CHFR: variants seen among roughly 807,000 people sequenced by gnomAD.
CHFR encodes checkpoint with forkhead and ring finger domains, also known as E3 ubiquitin-protein ligase CHFR.
A neutral mutation model predicts 87.6 loss-of-function variants in CHFR; 57 were observed. The observed-to-expected ratio is 0.65, with a 90% CI of 0.53 to 0.81. The LOEUF is 0.81. Among genes scored for constraint, CHFR ranks in the 30% least tolerant of loss-of-function variants. CHFR has a pLI of 0.00. For synonymous variants in CHFR, 381 were observed against 359.2 expected (o/e 1.06, Z -0.69); for missense variants, 797 against 865.8 (o/e 0.92, Z 1.00).
chr12:132,882,551 C>T (rs1306428679), intron 2 of CHFR, among the ~76,000 whole-genome samples: 1 of 152,124 alleles, frequency 6.6e-6, no homozygotes, highest in Non-Finnish European at 1.5e-5. Flanking sequence ...ATTGGAAGTA[C>T]TGTATCCAAG....
At position 132,859,235 on chromosome 12, in the gene CHFR, A is replaced by C. The variant is rs1295994599; in HGVS notation, c.752-8T>G. 1 of 1,610,888 alleles carries C rather than the reference A, an allele frequency of 6.2e-7. No individual in the cohort carries two copies. The highest frequency in any genetic ancestry group is 8.5e-7 in the Non-Finnish European group (1 of 1,178,372). ...TCAGGTCAAGGTCCCCATCTACAGG[A>C]GAAAGGGATGTGTTCTGTCGTAACC... On this transcript the variant is annotated splice_polypyrimidine_tract_variant and splice_region_variant and intron_variant, in intron 7 of 17. Transcript: ENST00000450056.
intron 7 of CHFR, 144 bp from the exon 8 acceptor site, chr12:132,859,371 G>C (rs889943273): frequency 1.2e-6 from 1 of 831,012 alleles, no homozygotes; most frequent in Non-Finnish European, 1.9e-6. Context: ...TTTTTTTCGA[G>C]ACAGAGTCTC....
rs181881227 is a variant in CHFR at position 132,879,306 on chromosome 12, T to C, written c.134-1652A>G. ...CACCGCACCTGGCCTGCGATAGGCA[T>C]TTGTACACGTATAAGAAACTGCATC... On this transcript the variant is annotated intron_variant, in intron 2 of 17. Coordinates refer to ENST00000450056, the MANE Select transcript of CHFR (RefSeq NM_001161346.2). 2.6e-5 allele frequency among the ~76,000 whole-genome samples: 4 copies of C among 151,194 alleles called. No homozygotes were observed. In the East Asian group the frequency reaches 8.1e-4, roughly 30 times the overall value.
In CHFR at chr12:132,837,293, G is replaced by T; in HGVS notation, c.*4261C>A. The T allele has an allele frequency of 5.6e-6, 1 of 179,940 alleles. No homozygotes were observed. The highest frequency in any genetic ancestry group is 1.2e-5 in the Non-Finnish European group (1 of 84,190). 11.1% of individuals were successfully genotyped at this position (179,940 alleles called of 1,614,324 possible). On this transcript the variant is annotated 3_prime_UTR_variant, in exon 18 of 18. Coordinates refer to ENST00000450056, the MANE Select transcript of CHFR (RefSeq NM_001161346.2). ...ACTTATTTCTCATGATTATATGCTGGCTGCCTGGTGCAGCACTGTGCTGGT... is the reference window on the plus strand; with the variant it reads ...ACTTATTTCTCATGATTATATGCTGTCTGCCTGGTGCAGCACTGTGCTGGT...
intron 2 of CHFR, among the ~76,000 whole-genome samples, chr12:132,885,454 A>AAATAAATT (rs1566209890): frequency 7.1e-6 from 1 of 140,094 alleles, no homozygotes. Context: ...ATAAATAAAT[A>AAATAAATT]AATTTCTGTT....
In CHFR at chr12:132,853,524, C is replaced by T. The variant is rs1303770543; in HGVS notation, c.1279G>A (p.Ala427Thr). The stretch of plus-strand genomic sequence containing the variant: ...GGTGCTGGGCAGTGGGGAGGCTGCG[C>T]CGCCTGCCTTCTGTACTCAGGACAC... ...RQCPEYRRQA[A>T]QPPHCPAPEG... The change falls in exon 11 of 18, where the codon GCG becomes ACG. Residue 427 changes from alanine to threonine, a missense_variant. Transcript: ENST00000450056. 10 of 1,531,494 alleles carry T rather than the reference C, an allele frequency of 6.5e-6. No homozygotes were observed. The highest frequency in any genetic ancestry group is 8.8e-6 in the Non-Finnish European group (10 of 1,142,158). The allele number at this position is 1,531,494 out of a possible 1,614,324, so 94.9% of individuals were successfully genotyped here.
intron 12 of CHFR, among the ~76,000 whole-genome samples, chr12:132,850,577 G>A (rs1284041170): frequency 6.6e-6 from 1 of 152,166 alleles, no homozygotes; most frequent in African/African-American, 2.4e-5. Context: ...GTGTCCCACG[G>A]CCATGTGTCC....
intron 17 of CHFR, among the ~76,000 whole-genome samples, chr12:132,842,104 A>G (rs981640506): frequency 1.8e-5 from 1 of 56,500 alleles, no homozygotes; most frequent in African/African-American, 5.2e-5. Flanking sequence ...GCGAGACTCC[A>G]TCTCAAAAAA....
intron 16 of CHFR, 107 bp downstream of exon 16, chr12:132,843,920 G>C (rs1220029732): frequency 6.0e-6 from 4 of 669,480 alleles, no homozygotes; most frequent in Non-Finnish European, 1.1e-5. Context: ...CTGCACTCCA[G>C]CCTGGGCAAA....
rs145246258 is a variant in CHFR, at chr12:132,861,525, C to T, written c.693G>A (p.Ser231=). 5.3e-4 allele frequency: 857 copies of T among 1,614,210 alleles called. No homozygotes were observed. Among genetic ancestry groups the T allele is most frequent in the Non-Finnish European group, 6.8e-4 (806 of 1,180,036 alleles). Residue 231 remains serine, a synonymous_variant, in exon 7 of 18, where the codon TCG becomes TCA. Coordinates refer to ENST00000450056, the MANE Select transcript of CHFR (RefSeq NM_001161346.2). ...CCTCCTGATCCTGGGGTTCCAACGA[C>T]GAAAAGGACGCAGTCTTTCTGTCTG... The part of the protein sequence containing the change: ...ALPDRKTASF[S]SLEPQDQEDL...
intron 3 of CHFR, among the ~76,000 whole-genome samples, chr12:132,875,966 G>C (rs1319827339): frequency 6.6e-6 from 1 of 152,132 alleles, no homozygotes; most frequent in Non-Finnish European, 1.5e-5. Flanking sequence ...CCTGAGATCA[G>C]GAGTTCGAGA....
At chr12:132,872,956 C>T (rs1472317639) in intron 3 of CHFR, among the ~76,000 whole-genome samples, 1 of 152,198 alleles carries the variant, frequency 6.6e-6, no homozygotes, top group Non-Finnish European at 1.5e-5. Flanking sequence ...AATGCAGATG[C>T]TGCTGACCCA....
intron 2 of CHFR, among the ~76,000 whole-genome samples, chr12:132,884,121 A>AAAAAAAAAAATACATATATATATAT (rs1951830841): frequency 6.6e-6 from 1 of 152,090 alleles, no homozygotes; most frequent in Non-Finnish European, 1.5e-5. Flanking sequence ...CTCCGTCTCA[A>AAAAAAAAAAATACATATATATATAT]AAAATAAATA....
intron 6 of CHFR, chr12:132,866,713 C>A (rs1008975066): frequency 6.6e-6 from 1 of 152,200 alleles, no homozygotes; most frequent in African/African-American, 2.4e-5. Flanking sequence ...AATGTTACAA[C>A]ACATTGGAAT....
At chr12:132,847,622 T>C in intron 14 of CHFR, 1 of 1,076,574 alleles carries the variant, frequency 9.3e-7, no homozygotes, top group Non-Finnish European at 1.1e-6. Flanking sequence ...GTGTGTGCTG[T>C]CAGCAAAGTG....
In CHFR at chr12:132,840,867, C is replaced by T. The variant is rs1047424647; in HGVS notation, c.*687G>A. 6.6e-6 allele frequency: 1 copy of T among 152,406 alleles called. No individual in the cohort carries two copies. The highest frequency in any genetic ancestry group is 2.4e-5 in the African/African-American group (1 of 41,470). The allele number at this position is 152,406 out of a possible 1,614,324, so 9.4% of individuals were successfully genotyped here. A position where few individuals can be genotyped will look rare whatever the true frequency, so the allele number is the denominator to read the frequency against. ...TCACTCACCGGTTAGCAAGGAGCGA[C>T]TAACTTGGCGGCCACGTCGAGGGTT... On this transcript the variant is annotated 3_prime_UTR_variant, in exon 18 of 18. Transcript: ENST00000450056.
At chr12:132,853,402 G>C in intron 11 of CHFR, 29 bp downstream of exon 11, 1 of 1,486,576 alleles carries the variant, frequency 6.7e-7, no homozygotes, top group Non-Finnish European at 8.9e-7. Context: ...CTCACGCGAA[G>C]GCTGAGGCCT....
At chr12:132,875,126 C>A (rs953026024) in intron 3 of CHFR, among the ~76,000 whole-genome samples, 9 of 152,368 alleles carry the variant, frequency 5.9e-5, no homozygotes, top group African/African-American at 1.9e-4. Flanking sequence ...TCCCATTGTG[C>A]CAAGAAATAG....
chr12:132,859,366 T>A, intron 7 of CHFR, 139 bp from the exon 8 acceptor site: 1 of 864,714 alleles, frequency 1.2e-6, no homozygotes, highest in South Asian at 1.7e-5. Flanking sequence ...TCTTTTTTTT[T>A]TCGAGACAGA....
Sources: gnomAD v4.1 joint callset for allele counts (sites outside exome capture counted in the v4.1 genomes callset) on GRCh38, gnomAD v4.1.1 for gene constraint, MANE v1.5 for transcripts, NCBI Gene and HGNC (gene_info 2026-07-23, HGNC 2026-07-21) for gene names.